GRAMD2A: variants seen among roughly 807,000 people sequenced by gnomAD.
The protein encoded by GRAMD2A is GRAM domain containing 2A, also known as GRAM domain-containing protein 2A.
A neutral mutation model predicts 51.1 loss-of-function variants in GRAMD2A; 37 were observed. That is an observed-to-expected ratio of 0.72 (90% CI 0.56 to 0.95). GRAMD2A has a LOEUF of 0.95. Among genes scored for constraint, GRAMD2A ranks in the 40% least tolerant of loss-of-function variants. GRAMD2A has a pLI of 0.00. For synonymous variants in GRAMD2A, 136 were observed against 157.1 expected, an observed-to-expected ratio of 0.87 and a Z score of 1.01; for missense variants, 414 against 426.9, an observed-to-expected ratio of 0.97 and a Z score of 0.27.
At chr15:72,163,501 A>C in intron 9 of GRAMD2A, 25 bp from the exon 10 acceptor site, 1 of 1,609,138 alleles carries the variant, frequency 6.2e-7, no homozygotes, top group Non-Finnish European at 8.5e-7. Context: ...AGAAAAAAAA[A>C]ATCAGCTCTC....
chr15:72,180,459 C>T (rs1375956657), intron 1 of GRAMD2A, among the ~76,000 whole-genome samples: 2 of 152,240 alleles, frequency 1.3e-5, no homozygotes, highest in East Asian at 3.9e-4. Flanking sequence ...TCCGGCCAGG[C>T]CTGCTAAGTG....
rs2081600624 is a variant in GRAMD2A, at chr15:72,170,573, G to T, written c.42-634C>A. ...CAAACCATCTCAAAAATGTCCCTGAGGGAGAGCGTAGGAGGGAACAGATCC... is the reference window on the plus strand; with the variant it reads ...CAAACCATCTCAAAAATGTCCCTGATGGAGAGCGTAGGAGGGAACAGATCC... On this transcript the variant is annotated intron_variant, in intron 1 of 11. Transcript: ENST00000309731. This position sits in a 1 kb window ranked among gnomAD's most constrained non-coding sequence, Gnocchi z 4.5. Among the ~76,000 whole-genome samples, 3 of 152,158 alleles carry T rather than the reference G, an allele frequency of 2.0e-5. No homozygotes were observed. The highest frequency in any genetic ancestry group is 2.0e-4 in the Admixed American group (3 of 15,266).
intron 10 of GRAMD2A, 102 bp downstream of exon 10, chr15:72,163,164 C>T (rs927013099): frequency 1.1e-5 from 8 of 760,736 alleles, no homozygotes; most frequent in Non-Finnish European, 1.7e-5. Context: ...TCAGAAACTT[C>T]CCCCTGGTTC....
intron 1 of GRAMD2A, among the ~76,000 whole-genome samples, chr15:72,196,814 C>T (rs1033519860): frequency 3.6e-4 from 55 of 152,282 alleles, no homozygotes; most frequent in Admixed American, 1.0e-3. Flanking sequence ...CCCCACCAGT[C>T]CCTCTGAGTA....
chr15:72,169,191 G>C (rs1162350561), intron 2 of GRAMD2A, 195 bp from the exon 3 acceptor site: 3 of 608,856 alleles, frequency 4.9e-6, no homozygotes, highest in Non-Finnish European at 2.9e-6. Flanking sequence ...CCCTGGGGGA[G>C]GGCACTGCGG....
chr15:72,178,384 A>G (rs1254232016), intron 1 of GRAMD2A, among the ~76,000 whole-genome samples: 2 of 152,056 alleles, frequency 1.3e-5, no homozygotes, highest in African/African-American at 4.8e-5. Context: ...GAGACTCCCT[A>G]TGTGCTCTCA....
At chr15:72,163,171 G>C in intron 10 of GRAMD2A, 95 bp downstream of exon 10, 5 of 826,774 alleles carry the variant, frequency 6.0e-6, no homozygotes, top group Non-Finnish European at 9.8e-6. Flanking sequence ...CTTCCCCCTG[G>C]TTCTGAATAG....
chr15:72,188,654 T>C (rs1056005416), intron 1 of GRAMD2A, among the ~76,000 whole-genome samples: 3 of 152,184 alleles, frequency 2.0e-5, no homozygotes, highest in African/African-American at 7.2e-5. Context: ...TTGTTTTCTT[T>C]ATACTTTTCT....
At position 72,197,751 on chromosome 15, in the gene GRAMD2A, G is replaced by A; in HGVS notation, c.21C>T (p.Ser7=). 3 of 1,332,952 alleles carry A rather than the reference G, an allele frequency of 2.3e-6. No homozygotes were observed. The highest frequency in any genetic ancestry group is 3.6e-5 in the South Asian group (2 of 55,978). The allele number at this position is 1,332,952 out of a possible 1,614,324, so 82.6% of individuals were successfully genotyped here. A position where few individuals can be genotyped will look rare whatever the true frequency, so the allele number is the denominator to read the frequency against. MTALSR[S]EATEEGGNQQ... Reference sequence around the variant, plus strand: ...CTTACCCGCCCTCCTCGGTGGCCTCGCTCCGGCTTAAAGCGGTCATCCCGG... The same window carrying A: ...CTTACCCGCCCTCCTCGGTGGCCTCACTCCGGCTTAAAGCGGTCATCCCGG... The change falls in exon 1 of 12, where the codon AGC becomes AGT. Residue 7 remains serine (S), a synonymous_variant. Transcript: ENST00000309731.
rs918912269 is a variant in GRAMD2A at position 72,170,628 on chromosome 15, T to C, written c.42-689A>G. On this transcript the variant is annotated intron_variant, in intron 1 of 11. Transcript: ENST00000309731. The surrounding 1 kb of genome is among the most constrained non-coding windows in gnomAD (Gnocchi z 4.5). ...TCCCTGGGCAGGTCGGGCTCTCCAATGGCCTTTGAGTTCCTGCCTCCACTA... is the reference window on the plus strand; with the variant it reads ...TCCCTGGGCAGGTCGGGCTCTCCAACGGCCTTTGAGTTCCTGCCTCCACTA... Among the ~76,000 whole-genome samples the C allele has an allele frequency of 2.6e-5, 4 of 152,120 alleles. No homozygotes were observed. Among genetic ancestry groups the C allele is most frequent in the African/African-American group, 9.7e-5 (4 of 41,410 alleles).
Position 72,171,840 on chromosome 15 carries a change from T to TA in GRAMD2A, c.42-1902_42-1901insT, listed in dbSNP as rs906734483. On this transcript the variant is annotated intron_variant, in intron 1 of 11. Transcript: ENST00000309731. ...AAATTTTTTCTGGCTTTTTTATTTT[T>TA]TTTTTTTGAGATGGAGTCTCTCTCT... Among the ~76,000 whole-genome samples, 308 of 151,822 alleles carry TA rather than the reference T, an allele frequency of 2.0e-3. 1 individual carries two copies. The highest frequency in any genetic ancestry group is 5.6e-3 in the African/African-American group (230 of 41,440).
At chr15:72,185,210 T>C (rs996817125) in intron 1 of GRAMD2A, among the ~76,000 whole-genome samples, 2 of 151,502 alleles carry the variant, frequency 1.3e-5, no homozygotes, top group African/African-American at 4.9e-5. Context: ...TTTTTTTTTT[T>C]TGAGACGGAG....
chr15:72,188,948 G>T lies in GRAMD2A; in HGVS notation c.41+8783C>A, dbSNP rs183119305. ...ATCTGCCCACCTCAGCTCCTGAAGT[G>T]CTGGGATTACAGGTGTGGGCCACCA... is the stretch of plus-strand genomic sequence containing the variant. On this transcript the variant is annotated intron_variant, in intron 1 of 11. Transcript: ENST00000309731. Among the ~76,000 whole-genome samples the T allele has an allele frequency of 2.3e-3, 351 of 152,294 alleles. 4 individuals carry two copies. Among genetic ancestry groups the T allele is most frequent in the Non-Finnish European group, 3.2e-3 (215 of 68,030 alleles).
intron 1 of GRAMD2A, among the ~76,000 whole-genome samples, chr15:72,194,622 T>C (rs1373273570): frequency 6.6e-6 from 1 of 152,170 alleles, no homozygotes; most frequent in Non-Finnish European, 1.5e-5. Context: ...ATACCTATGA[T>C]GACGCTTTAG....
At chr15:72,164,571 A>G (rs1469454294) in intron 8 of GRAMD2A, among the ~76,000 whole-genome samples, 1 of 151,846 alleles carries the variant, frequency 6.6e-6, no homozygotes, top group Non-Finnish European at 1.5e-5. Flanking sequence ...ATGCCCTGCT[A>G]ATTTTTGTAT....
intron 1 of GRAMD2A, among the ~76,000 whole-genome samples, chr15:72,192,953 C>A (rs2081778535): frequency 6.6e-6 from 1 of 151,974 alleles, no homozygotes; most frequent in African/African-American, 2.4e-5. Context: ...GCAGAAACCC[C>A]ATCTCTACTA....
chr15:72,167,097 G>C lies in GRAMD2A; in HGVS notation c.373-5C>G. The C allele has an allele frequency of 6.2e-7, 1 of 1,601,998 alleles. No homozygotes were observed. Among genetic ancestry groups the C allele is most frequent in the Non-Finnish European group, 8.6e-7 (1 of 1,168,854 alleles). ...AGACACCACAGGAATGACCACCTGA[G>C]AGGGAGAGGGATGCTTCTCTCAGGA... On this transcript the variant is annotated splice_region_variant and splice_polypyrimidine_tract_variant and intron_variant, in intron 5 of 11. Transcript: ENST00000309731.
chr15:72,196,783 A>G (rs900633525), intron 1 of GRAMD2A, among the ~76,000 whole-genome samples: 1 of 152,176 alleles, frequency 6.6e-6, no homozygotes, highest in Non-Finnish European at 1.5e-5. Flanking sequence ...GAGCAGAGAC[A>G]CAGACGACAG....
chr15:72,194,524 T>A (rs2081791267), intron 1 of GRAMD2A, among the ~76,000 whole-genome samples: 1 of 152,126 alleles, frequency 6.6e-6, no homozygotes, highest in Non-Finnish European at 1.5e-5. Flanking sequence ...ACAGCAGGCA[T>A]ATACAAAAGT....
Sources: allele counts gnomAD v4.1 joint callset (sites outside exome capture counted in the v4.1 genomes callset), GRCh38; gene constraint gnomAD v4.1.1; non-coding constraint Gnocchi (gnomAD v3.1); transcripts MANE v1.5; gene names NCBI Gene and HGNC (gene_info 2026-07-23, HGNC 2026-07-21).